The following ATG2B variants were observed in gnomAD, a reference collection of about 807,000 sequenced individuals.
ATG2B encodes autophagy-related protein 2 homolog B.
In ATG2B, 121 loss-of-function variants were observed where a neutral mutation model predicts 241.3. The observed-to-expected ratio is 0.50, with a 90% confidence interval of 0.43 to 0.58. ATG2B has a LOEUF of 0.58. Among genes scored for constraint, ATG2B ranks in the 20% least tolerant of loss-of-function variants. ATG2B has a pLI of 0.00. For synonymous variants in ATG2B, 858 were observed against 876.6 expected (o/e 0.98, Z 0.37); for missense variants, 2,306 against 2,491.6 (o/e 0.93, Z 1.59).
At chr14:96,333,211 T>A (rs537544210) in intron 8 of ATG2B, among the ~76,000 whole-genome samples, 2 of 152,256 alleles carry the variant, frequency 1.3e-5, no homozygotes, top group South Asian at 4.1e-4. Flanking sequence ...TTATTAGCAT[T>A]TATACATTGT....
At chr14:96,316,919 G>A (rs1278750832) in intron 20 of ATG2B, among the ~76,000 whole-genome samples, 1 of 152,120 alleles carries the variant, frequency 6.6e-6, no homozygotes, top group African/African-American at 2.4e-5. Context: ...CCCAGAAGCA[G>A]AATTAGCACC....
At position 96,302,420 on chromosome 14, in the gene ATG2B, C is replaced by CA. The variant is rs912469903; in HGVS notation, c.5038-313dup. On this transcript the variant is annotated intron_variant, in intron 33 of 41. Transcript: ENST00000359933. The stretch of plus-strand genomic sequence containing the variant: ...GCAATATAGGAAAACCCCAACTCCA[C>CA]AAAAAACAAAAAATTAGCCAGGCAC... Among the ~76,000 whole-genome samples the CA allele has an allele frequency of 9.2e-5, 14 of 152,024 alleles. No individual in the cohort carries two copies. The East Asian group carries it at 1.7e-3, about 19-fold the overall frequency.
intron 15 of ATG2B, chr14:96,324,220 A>C: frequency 2.0e-6 from 1 of 508,334 alleles, no homozygotes; most frequent in Non-Finnish European, 3.4e-6. Context: ...ACCAAGGTAC[A>C]CTGCATAAAG....
Position 96,295,563 on chromosome 14 carries a change from A to C in ATG2B, c.5140-3T>G. Reference sequence around the variant, plus strand: ...TCCTTCAGGAAGAACAAAGCATCCTAAAATTAAGAGATGTAATTTTAACTA... The same window carrying C: ...TCCTTCAGGAAGAACAAAGCATCCTCAAATTAAGAGATGTAATTTTAACTA... On this transcript the variant is annotated splice_polypyrimidine_tract_variant and splice_region_variant and intron_variant, in intron 34 of 41. Coordinates refer to ENST00000359933, the MANE Select transcript of ATG2B (RefSeq NM_018036.7). 6.3e-7 allele frequency: 1 copy of C among 1,585,858 alleles called. No homozygotes were observed. The highest frequency in any genetic ancestry group is 8.6e-7 in the Non-Finnish European group (1 of 1,167,236).
In ATG2B at chr14:96,322,662, TCTC is replaced by T. The variant is rs751619955; in HGVS notation, c.2611_2613del (p.Glu871del). 1.2e-6 allele frequency: 2 copies of T among 1,613,760 alleles called. No homozygotes were observed. Among genetic ancestry groups the T allele is most frequent in the South Asian group, 2.2e-5 (2 of 91,050 alleles). On this transcript the variant is annotated inframe_deletion, in exon 17 of 42. Transcript: ENST00000359933. ...TCTTCCTCCTGGTAGTGACCATCAT[TCTC>T]CTCTTCTTCTTCAGCTGCAATTCTC...
At position 96,291,683 on chromosome 14, in the gene ATG2B, CT is replaced by C; in HGVS notation, c.5497-2del. 6.2e-7 allele frequency: 1 copy of C among 1,600,816 alleles called. No homozygotes were observed. The highest frequency in any genetic ancestry group is 8.5e-7 in the Non-Finnish European group (1 of 1,171,900). ...CAATCAAAATCCCAGCTAGCGTACC[CT>C]TCAAAATTAAAAAAGGCCAAATTAA... On this transcript the variant is annotated splice_acceptor_variant, in intron 37 of 41. Transcript: ENST00000359933. LOFTEE classifies it high-confidence loss of function.
In ATG2B at chr14:96,285,697, C is replaced by T; in HGVS notation, c.*58G>A. ...AACGAGCTTCCTCTGAAGCTGCTGT[C>T]AGGACTCTGAGCTCCTGGTTCCACT... On this transcript the variant is annotated 3_prime_UTR_variant, in exon 42 of 42. Coordinates refer to ENST00000359933, the MANE Select transcript of ATG2B (RefSeq NM_018036.7). This position sits in a 1 kb window ranked among gnomAD's most constrained non-coding sequence, Gnocchi z 4.2. The T allele has an allele frequency of 1.3e-6, 2 of 1,513,840 alleles. No homozygotes were observed. The highest frequency in any genetic ancestry group is 1.8e-6 in the Non-Finnish European group (2 of 1,093,750). 93.8% of individuals were successfully genotyped at this position (1,513,840 alleles called of 1,614,324 possible).
At position 96,311,298 on chromosome 14, in the gene ATG2B, C is replaced by A. The variant is rs775245946; in HGVS notation, c.3991-11G>T. ...AAAGCGGGGCTCAGTCTGGACAAGA[C>A]ACAGAAAAAGGGATGAAAATGTTTT... On this transcript the variant is annotated splice_polypyrimidine_tract_variant and intron_variant, in intron 27 of 41. Coordinates refer to ENST00000359933, the MANE Select transcript of ATG2B (RefSeq NM_018036.7). The A allele has an allele frequency of 2.5e-6, 4 of 1,592,392 alleles. No individual in the cohort carries two copies. In the African/African-American group the frequency reaches 5.4e-5, roughly 22 times the overall value.
At position 96,341,715 on chromosome 14, in the gene ATG2B, A is replaced by G; in HGVS notation, c.745-14T>C. 1 of 1,506,540 alleles carries G rather than the reference A, an allele frequency of 6.6e-7. No homozygotes were observed. Among genetic ancestry groups the G allele is most frequent in the Non-Finnish European group, 8.9e-7 (1 of 1,123,694 alleles). The allele number at this position is 1,506,540 out of a possible 1,614,324, so 93.3% of individuals were successfully genotyped here. A position where few individuals can be genotyped will look rare whatever the true frequency, so the allele number is the denominator to read the frequency against. On this transcript the variant is annotated splice_polypyrimidine_tract_variant and intron_variant, in intron 5 of 41. Coordinates refer to ENST00000359933, the MANE Select transcript of ATG2B (RefSeq NM_018036.7). ...TGGCTCAGTTTCCTACAATAAAGTGACAAAAATAATTATTTAAAATACTTT... is the reference window on the plus strand; with the variant it reads ...TGGCTCAGTTTCCTACAATAAAGTGGCAAAAATAATTATTTAAAATACTTT...
In ATG2B at chr14:96,285,911, G is replaced by A. The variant is rs751217088; in HGVS notation, c.6081C>T (p.Ala2027=). 2.2e-5 allele frequency: 36 copies of A among 1,613,866 alleles called. No individual in the cohort carries two copies. Among genetic ancestry groups the A allele is most frequent in the South Asian group, 1.4e-4 (13 of 91,070 alleles). The change falls in exon 42 of 42, where the codon GCC becomes GCT. Residue 2027 remains alanine (A), a synonymous_variant. Transcript: ENST00000359933. This position sits in a 1 kb window ranked among gnomAD's most constrained non-coding sequence, Gnocchi z 4.2. ...REHESRGVTG[A]VGEVLRQIPP... is the part of the protein sequence containing the mutation. ...GAATCTGGCGCAGAACCTCGCCCAC[G>A]GCACCAGTCACCCCTCTGCTCTCGT...
At chr14:96,334,784 G>A (rs1250774804) in intron 6 of ATG2B, among the ~76,000 whole-genome samples, 1 of 152,160 alleles carries the variant, frequency 6.6e-6, no homozygotes, top group Non-Finnish European at 1.5e-5. Flanking sequence ...AAGTATTTGA[G>A]GAGGACTTAA....
At chr14:96,334,174 C>T (rs1887812406) in intron 7 of ATG2B, among the ~76,000 whole-genome samples, 1 of 152,124 alleles carries the variant, frequency 6.6e-6, no homozygotes, top group Non-Finnish European at 1.5e-5. Flanking sequence ...GAAGTCAGAA[C>T]AATTTTAGAA....
chr14:96,362,781 G>A lies in ATG2B; in HGVS notation c.162+34C>T, dbSNP rs537230043. On this transcript the variant is annotated intron_variant, in intron 1 of 41. Coordinates refer to ENST00000359933, the MANE Select transcript of ATG2B (RefSeq NM_018036.7). The stretch of plus-strand genomic sequence containing the variant: ...TTCAAAGCGCCCTAAAGAGGGGAGC[G>A]AGCCCCGCCCGGCTCGCCGCCGGCA... 1.1e-5 allele frequency: 18 copies of A among 1,580,176 alleles called. No individual in the cohort carries two copies. The South Asian group carries it at 1.9e-4, about 17-fold the overall frequency.
chr14:96,287,031 G>A (rs964850964), intron 41 of ATG2B, among the ~76,000 whole-genome samples: 3 of 152,014 alleles, frequency 2.0e-5, no homozygotes, highest in Admixed American at 6.6e-5. Flanking sequence ...CGAGGCAGGC[G>A]GATCACGAGG....
In ATG2B at chr14:96,305,694, A is replaced by G; in HGVS notation, c.4628T>C (p.Ile1543Thr). The G allele has an allele frequency of 6.2e-7, 1 of 1,614,178 alleles. No individual in the cohort carries two copies. The highest frequency in any genetic ancestry group is 8.5e-7 in the Non-Finnish European group (1 of 1,180,014). Residue 1543 changes from isoleucine to threonine, a missense_variant, in exon 31 of 42, where the codon ATT becomes ACT. Ile to Thr is a moderately conservative substitution (Grantham distance 89). Coordinates refer to ENST00000359933, the MANE Select transcript of ATG2B (RefSeq NM_018036.7). ...DTSKAPLHFP[I>T]PVIRYVVKEV... ...CTTCACCACATAGCGAATCACAGGA[A>G]TGGGAAAGTGTAAGGGGGCTTTGCT... is the stretch of plus-strand genomic sequence containing the variant.
chr14:96,361,191 A>C (rs1214539682), intron 1 of ATG2B, among the ~76,000 whole-genome samples: 1 of 152,230 alleles, frequency 6.6e-6, no homozygotes, highest in Admixed American at 6.5e-5. Context: ...TTCTGAACTC[A>C]AACTATAAAA....
intron 1 of ATG2B, among the ~76,000 whole-genome samples, chr14:96,355,884 T>C (rs1888459044): frequency 6.6e-6 from 1 of 152,080 alleles, no homozygotes; most frequent in African/African-American, 2.4e-5. Context: ...AAAACGCGCA[T>C]GAGCTGGCTG....
chr14:96,338,099 G>A (rs927886869), intron 6 of ATG2B, among the ~76,000 whole-genome samples: 3 of 152,000 alleles, frequency 2.0e-5, no homozygotes, highest in African/African-American at 7.3e-5. Context: ...GTCACTGTTG[G>A]TGTATAGCAC....
Position 96,285,261 on chromosome 14 carries a change from C to T in ATG2B, c.*494G>A, listed in dbSNP as rs150778607. On this transcript the variant is annotated 3_prime_UTR_variant, in exon 42 of 42. Transcript: ENST00000359933. The surrounding 1 kb of genome is among the most constrained non-coding windows in gnomAD (Gnocchi z 4.2). ...ATAATGTTGTTCTCAAGTGCATGAACACTAAATTCAACAGAATAGGTTATT... is the reference window on the plus strand; with the variant it reads ...ATAATGTTGTTCTCAAGTGCATGAATACTAAATTCAACAGAATAGGTTATT... 3 of 156,738 alleles carry T rather than the reference C, an allele frequency of 1.9e-5. No individual in the cohort carries two copies. The highest frequency in any genetic ancestry group is 7.2e-5 in the African/African-American group (3 of 41,590). 9.7% of individuals were successfully genotyped at this position (156,738 alleles called of 1,614,324 possible).
Sources: allele counts gnomAD v4.1 joint callset (sites outside exome capture counted in the v4.1 genomes callset), GRCh38; gene constraint gnomAD v4.1.1; non-coding constraint Gnocchi (gnomAD v3.1); transcripts MANE v1.5; gene names NCBI Gene and HGNC (gene_info 2026-07-23, HGNC 2026-07-21).